The following UNC93B1 variants were observed in gnomAD, a reference collection of about 807,000 sequenced individuals.
The protein encoded by UNC93B1 is unc-93B1 regulator of TLR signaling, also known as protein unc-93 homolog B1.
A neutral mutation model predicts 56.8 loss-of-function variants in UNC93B1; 33 were observed. The observed-to-expected ratio is 0.58, with a 90% CI of 0.44 to 0.78. The LOEUF (loss-of-function observed/expected upper bound fraction) is 0.78, where lower values mean the gene tolerates loss of function less well. Among genes scored for constraint, UNC93B1 ranks in the 30% least tolerant of loss-of-function variants. The pLI is 0.00. For missense variants in UNC93B1, 673 were observed against 819.5 expected, an observed-to-expected ratio of 0.82 and a Z score of 2.18; for synonymous variants, 334 against 358.6, an observed-to-expected ratio of 0.93 and a Z score of 0.77.
intron 5 of UNC93B1, 46 bp downstream of exon 5, chr11:67,999,127 C>T (rs764205613): frequency 3.1e-6 from 5 of 1,610,534 alleles, no homozygotes; most frequent in African/African-American, 2.7e-5. Context: ...GGCTCCAATG[C>T]GTGGGTCTGC....
rs1319910444 is a variant in UNC93B1 at position 68,003,283 on chromosome 11, T to C, written c.239-108A>G. On this transcript the variant is annotated intron_variant, in intron 2 of 10. Coordinates refer to ENST00000227471, the MANE Select transcript of UNC93B1 (RefSeq NM_030930.4). The surrounding 1 kb of genome is among the most constrained non-coding windows in gnomAD (Gnocchi z 4.4). ...AGGGAGCTCCAATCACCGAAGGCATTCCCGCTGACAGCGCCCCTCAGGACA... is the reference window on the plus strand; with the variant it reads ...AGGGAGCTCCAATCACCGAAGGCATCCCCGCTGACAGCGCCCCTCAGGACA... 9.1e-5 allele frequency: 118 copies of C among 1,291,224 alleles called. No homozygotes were observed. The highest frequency in any genetic ancestry group is 1.0e-4 in the Non-Finnish European group (100 of 971,490). The allele number at this position is 1,291,224 out of a possible 1,614,324, so 80.0% of individuals were successfully genotyped here.
At position 67,991,419 on chromosome 11, in the gene UNC93B1, A is replaced by C. The variant is rs1299170638; in HGVS notation, c.*127T>G. 3 of 962,928 alleles carry C rather than the reference A, an allele frequency of 3.1e-6. No individual in the cohort carries two copies. The highest frequency in any genetic ancestry group is 4.2e-6 in the Non-Finnish European group (3 of 712,308). 59.6% of individuals were successfully genotyped at this position (962,928 alleles called of 1,614,324 possible). A position where few individuals can be genotyped will look rare whatever the true frequency, so the allele number is the denominator to read the frequency against. ...CCTGGGCTCTGGGAGGGGCGTCCCCAACGTGGGGGAGGGGAGACAGGGGCC... is the reference window on the plus strand; with the variant it reads ...CCTGGGCTCTGGGAGGGGCGTCCCCCACGTGGGGGAGGGGAGACAGGGGCC... On this transcript the variant is annotated 3_prime_UTR_variant, in exon 11 of 11. Coordinates refer to ENST00000227471, the MANE Select transcript of UNC93B1 (RefSeq NM_030930.4).
chr11:67,996,569 T>G (rs772960592), intron 8 of UNC93B1, 33 bp downstream of exon 8: 1 of 1,490,818 alleles, frequency 6.7e-7, no homozygotes, highest in Middle Eastern at 1.7e-4. Flanking sequence ...TATCTTGTCT[T>G]TTGTCGGGCA....
Position 68,003,239 on chromosome 11 carries a change from G to A in UNC93B1, c.239-64C>T. ...TAGCTTTGGGCGCCACCGAGCAGAA[G>A]ACGGCATGCAGGCCTCGCAGGGAGC... On this transcript the variant is annotated intron_variant, in intron 2 of 10. Coordinates refer to ENST00000227471, the MANE Select transcript of UNC93B1 (RefSeq NM_030930.4). This position sits in a 1 kb window ranked among gnomAD's most constrained non-coding sequence, Gnocchi z 4.4. 6.7e-7 allele frequency: 1 copy of A among 1,492,100 alleles called. No individual in the cohort carries two copies. Among genetic ancestry groups the A allele is most frequent in the Non-Finnish European group, 8.9e-7 (1 of 1,122,166 alleles). 92.4% of individuals were successfully genotyped at this position (1,492,100 alleles called of 1,614,324 possible).
At chr11:67,997,855 C>T (rs1856977200) in intron 6 of UNC93B1, 56 bp from the exon 7 acceptor site, 1 of 1,583,086 alleles carries the variant, frequency 6.3e-7, no homozygotes, top group Admixed American at 1.8e-5. Flanking sequence ...CACAGTCAAT[C>T]CAGCCACCAG....
chr11:68,001,961 T>A (rs544681457), intron 3 of UNC93B1, among the ~76,000 whole-genome samples: 101 of 151,880 alleles, frequency 6.6e-4, no homozygotes, highest in African/African-American at 2.4e-3. Context: ...CTGGTCAACA[T>A]AGTGAAACCC....
chr11:67,991,762 C>A lies in UNC93B1; in HGVS notation c.1578G>T (p.Gln526His), dbSNP rs1437384957. 2.6e-6 allele frequency: 4 copies of A among 1,540,796 alleles called. No individual in the cohort carries two copies. The highest frequency in any genetic ancestry group is 3.5e-6 in the Non-Finnish European group (4 of 1,150,934). Residue 526 changes from glutamine to histidine, a missense_variant, in exon 11 of 11, where the codon CAG becomes CAT. By Grantham distance (24) the Gln-to-His change is conservative. Coordinates refer to ENST00000227471, the MANE Select transcript of UNC93B1 (RefSeq NM_030930.4). ...TGTGCTGGGGCCGCGGGATGCGGGG[C>A]TGGCGCGGGGCCACGCCCCGGCGCA... ...QKLRRGVAPR[Q>H]PRIPRPQHKV...
rs1254338177 is a variant in UNC93B1 at position 67,996,763 on chromosome 11, C to A, written c.928G>T (p.Ala310Ser). Residue 310 changes from alanine to serine, a missense_variant, in exon 8 of 11, where the codon GCT becomes TCT. Ala to Ser is a moderately conservative substitution (Grantham distance 99). Transcript: ENST00000227471. ...TCGATCTCCTCCGTGGGCCGGTAAG[C>A]GGCTCCGCACAAACCCAGCACCTGC... The part of the protein sequence containing the change: ...MLLVLGLCGA[A>S]YRPTEEIDLR... The A allele has an allele frequency of 3.2e-6, 5 of 1,560,078 alleles. No individual in the cohort carries two copies. The highest frequency in any genetic ancestry group is 4.3e-6 in the Non-Finnish European group (5 of 1,151,312).
At chr11:68,000,763 C>T (rs1857032291) in intron 3 of UNC93B1, among the ~76,000 whole-genome samples, 1 of 152,188 alleles carries the variant, frequency 6.6e-6, no homozygotes. Context: ...GGATTTGAGT[C>T]CCTCTACTGG....
In UNC93B1 at chr11:67,999,233, C is replaced by T. The variant is rs750167364; in HGVS notation, c.627G>A (p.Pro209=). 2.8e-5 allele frequency: 45 copies of T among 1,613,430 alleles called. No homozygotes were observed. Among genetic ancestry groups the T allele is most frequent in the African/African-American group, 9.4e-5 (7 of 74,608 alleles). The change falls in exon 5 of 11, where the codon CCG becomes CCA. Residue 209 remains proline, a synonymous_variant. Coordinates refer to ENST00000227471, the MANE Select transcript of UNC93B1 (RefSeq NM_030930.4). ...GGAGATAGGGCGCGTGGGAGCCCCG[C>T]GGAGGCCGCTGCTTCATCCCCTGCC... ...QDGQGMKQRP[P]RGSHAPYLLV... is the part of the protein sequence containing the mutation.
chr11:67,993,391 G>C (rs575767285), intron 10 of UNC93B1, among the ~76,000 whole-genome samples: 1 of 152,390 alleles, frequency 6.6e-6, no homozygotes, highest in South Asian at 2.1e-4. Context: ...TTCAGGCCAT[G>C]AAGAGAGACA....
rs2134364572 is a variant in UNC93B1, at chr11:67,999,691, TG to T, written c.393-12del. 6.2e-7 allele frequency: 1 copy of T among 1,608,686 alleles called. No homozygotes were observed. Among genetic ancestry groups the T allele is most frequent in the East Asian group, 2.2e-5 (1 of 44,628 alleles). On this transcript the variant is annotated splice_polypyrimidine_tract_variant and intron_variant, in intron 3 of 10. Transcript: ENST00000227471. ...TTCGTTCCAAAAAACCTGCGGACAG[TG>T]GGAGAGATGCTGGCACCACAGGCCT...
At chr11:67,996,829 T>G (rs746901751) in intron 7 of UNC93B1, 45 bp from the exon 8 acceptor site, 1 of 1,482,062 alleles carries the variant, frequency 6.7e-7, no homozygotes, top group Non-Finnish European at 9.0e-7. Flanking sequence ...GGCCCAGGCC[T>G]GGCCTCCAGG....
chr11:67,998,302 T>C, intron 6 of UNC93B1, 57 bp downstream of exon 6: 4 of 1,586,860 alleles, frequency 2.5e-6, no homozygotes, highest in Non-Finnish European at 3.5e-6. Context: ...GCCCAGTGTC[T>C]GCTGGGGAAG....
chr11:67,993,587 G>C, intron 10 of UNC93B1, 89 bp downstream of exon 10: 1 of 889,578 alleles, frequency 1.1e-6, no homozygotes, highest in Non-Finnish European at 1.8e-6. Flanking sequence ...CTTGGGAAGG[G>C]GTGGCATTTA....
chr11:68,002,959 C>A (rs1857069917), intron 3 of UNC93B1, 63 bp downstream of exon 3: 16 of 1,516,752 alleles, frequency 1.1e-5, no homozygotes, highest in Non-Finnish European at 1.4e-5. Flanking sequence ...TCCTGGCCCG[C>A]CGGCCTCTGT....
At position 68,003,436 on chromosome 11, in the gene UNC93B1, G is replaced by A. The variant is rs1016107734; in HGVS notation, c.238+221C>T. On this transcript the variant is annotated intron_variant, in intron 2 of 10. Transcript: ENST00000227471. The surrounding 1 kb of genome is among the most constrained non-coding windows in gnomAD (Gnocchi z 4.4). ...CGGTGGCAGGTCTGTCCGGGAGCCC[G>A]GACCCCCGTCCCCCACCCACACCGA... The A allele has an allele frequency of 3.6e-6, 3 of 832,388 alleles. No homozygotes were observed. Among genetic ancestry groups the A allele is most frequent in the African/African-American group, 3.6e-5 (2 of 55,228 alleles). The allele number at this position is 832,388 out of a possible 1,614,324, so 51.6% of individuals were successfully genotyped here. A position where few individuals can be genotyped will look rare whatever the true frequency, so the allele number is the denominator to read the frequency against.
At chr11:68,002,991 C>G (rs754723211) in intron 3 of UNC93B1, 31 bp downstream of exon 3, 4 of 1,584,804 alleles carry the variant, frequency 2.5e-6, no homozygotes, top group South Asian at 1.2e-5. Flanking sequence ...ATGGGAGTAC[C>G]GCAGCATCCC....
At chr11:68,002,933 C>A in intron 3 of UNC93B1, 89 bp downstream of exon 3, 2 of 1,464,290 alleles carry the variant, frequency 1.4e-6, no homozygotes, top group Non-Finnish European at 1.8e-6. Context: ...CACAAACACC[C>A]CGGCAGATGG....
Sources: gnomAD v4.1 joint callset for allele counts (sites outside exome capture counted in the v4.1 genomes callset) on GRCh38, gnomAD v4.1.1 for gene constraint, Gnocchi (gnomAD v3.1) non-coding constraint, MANE v1.5 for transcripts, NCBI Gene and HGNC (gene_info 2026-07-23, HGNC 2026-07-21) for gene names.